Variants in KAZN observed in about 807,000 individuals in gnomAD.
The protein encoded by KAZN is kazrin, periplakin interacting protein, also known as kazrin.
KAZN carries 40 observed loss-of-function variants against 87.4 expected under a neutral mutation model. The ratio of observed to expected loss-of-function variants is 0.46; its 90% CI spans 0.36 to 0.60. The LOEUF (loss-of-function observed/expected upper bound fraction) is 0.60. Ranked by LOEUF, KAZN falls within the 20% of genes least tolerant of loss-of-function variation. The pLI is 0.00. For synonymous variants in KAZN, 466 were observed against 458.3 expected, an observed-to-expected ratio of 1.02 and a Z score of -0.22; for missense variants, 898 against 1,073.9, an observed-to-expected ratio of 0.84 and a Z score of 2.29.
intron 2 of KAZN, among the ~76,000 whole-genome samples, chr1:15,001,616 C>T (rs75306328): frequency 0.087 from 13,234 of 152,216 alleles, 761 homozygotes; most frequent in East Asian, 0.19. Flanking sequence ...GGGCACTGCC[C>T]CATGAATGAA....
chr1:14,858,203 C>CTTTTGCTTTTTTTTTTTTTTTTTTTTT (rs1572663679), intron 1 of KAZN, among the ~76,000 whole-genome samples: 1 of 95,104 alleles, frequency 1.1e-5, no homozygotes, highest in East Asian at 2.3e-4. Flanking sequence ...TTTCTTTTTT[C>CTTTTGCTTTTTTTTTTTTTTTTTTTTT]TTTTTCTTTT....
At chr1:14,639,441 C>T (rs2148672699) in intron 1 of KAZN, among the ~76,000 whole-genome samples, 1 of 152,206 alleles carries the variant, frequency 6.6e-6, no homozygotes. Flanking sequence ...GTCAAATGTC[C>T]CCTGTGGTGC....
intron 2 of KAZN, among the ~76,000 whole-genome samples, chr1:14,539,276 G>A (rs1023561336): frequency 1.1e-4 from 17 of 152,186 alleles, no homozygotes; most frequent in South Asian, 2.1e-4. Flanking sequence ...TTGACCAGTC[G>A]TTATTGACAA....
chr1:14,114,189 G>A (rs1335230954), intron 1 of KAZN, among the ~76,000 whole-genome samples: 1 of 152,192 alleles, frequency 6.6e-6, no homozygotes, highest in East Asian at 1.9e-4. Context: ...TGGTTCTTCA[G>A]GGCCACAGCA....
At chr1:14,674,788 T>G (rs1572193770) in intron 1 of KAZN, among the ~76,000 whole-genome samples, 1 of 152,160 alleles carries the variant, frequency 6.6e-6, no homozygotes, top group Non-Finnish European at 1.5e-5. Flanking sequence ...TTTTCTTTTC[T>G]TTTCTTTTCT....
At chr1:14,292,293 G>A (rs1185890956) in intron 2 of KAZN, among the ~76,000 whole-genome samples, 1 of 152,200 alleles carries the variant, frequency 6.6e-6, no homozygotes, top group Non-Finnish European at 1.5e-5. Context: ...GCTGTTTTCT[G>A]TTCTGGCAGT....
chr1:14,177,557 T>A (rs1455225917), intron 1 of KAZN, among the ~76,000 whole-genome samples: 3 of 152,200 alleles, frequency 2.0e-5, no homozygotes, highest in East Asian at 1.9e-4. Context: ...GTTGGCAAGT[T>A]TTTTGCTTTC....
intron 1 of KAZN, among the ~76,000 whole-genome samples, chr1:14,066,379 T>G (rs1557446395): frequency 6.6e-6 from 1 of 152,206 alleles, no homozygotes; most frequent in Non-Finnish European, 1.5e-5. Context: ...CCTTTGGTTC[T>G]TTGAGAAATC....
intron 10 of KAZN, among the ~76,000 whole-genome samples, chr1:15,098,495 T>A (rs554806482): frequency 6.0e-4 from 91 of 152,218 alleles, no homozygotes; most frequent in Non-Finnish European, 1.2e-3. Context: ...CCTTTGCAGC[T>A]CTCCACCCCA....
chr1:14,348,162 T>G (rs1658254510), intron 2 of KAZN, among the ~76,000 whole-genome samples: 1 of 151,522 alleles, frequency 6.6e-6, no homozygotes, highest in African/African-American at 2.4e-5. Flanking sequence ...GTGATGCTCC[T>G]GCCTCAGCCT....
intron 1 of KAZN, among the ~76,000 whole-genome samples, chr1:14,627,853 T>G (rs1011657095): frequency 1.3e-5 from 2 of 152,180 alleles, no homozygotes; most frequent in African/African-American, 4.8e-5. Context: ...GAGGCTGTTC[T>G]TGTGTGGGGT....
At chr1:14,448,184 C>T (rs918358264) in intron 2 of KAZN, among the ~76,000 whole-genome samples, 2 of 152,204 alleles carry the variant, frequency 1.3e-5, no homozygotes, top group African/African-American at 4.8e-5. Flanking sequence ...AACACTCCAT[C>T]TTACAGAGGA....
intron 2 of KAZN, among the ~76,000 whole-genome samples, chr1:14,434,656 A>G (rs1442493871): frequency 2.6e-5 from 4 of 152,114 alleles, no homozygotes; most frequent in Non-Finnish European, 5.9e-5. Flanking sequence ...TAGAATGGAG[A>G]AGAGTTTTTA....
At chr1:14,461,171 A>T (rs902773695) in intron 2 of KAZN, among the ~76,000 whole-genome samples, 4 of 152,140 alleles carry the variant, frequency 2.6e-5, no homozygotes, top group Non-Finnish European at 5.9e-5. Context: ...TGAGTTCAGC[A>T]TTACCCTTTC....
intron 2 of KAZN, among the ~76,000 whole-genome samples, chr1:14,227,732 AC>A (rs1647418180): frequency 6.6e-6 from 1 of 152,176 alleles, no homozygotes; most frequent in Non-Finnish European, 1.5e-5. Context: ...GTTTGAAACC[AC>A]CACAGTGACT....
At chr1:14,580,514 AT>A (rs1675479829) in intron 2 of KAZN, among the ~76,000 whole-genome samples, 1 of 149,080 alleles carries the variant, frequency 6.7e-6, no homozygotes, top group Non-Finnish European at 1.5e-5. Flanking sequence ...AAATAAATAA[AT>A]AAAGTATATT....
At chr1:14,261,277 G>A (rs1650992650) in intron 2 of KAZN, among the ~76,000 whole-genome samples, 1 of 152,202 alleles carries the variant, frequency 6.6e-6, no homozygotes, top group South Asian at 2.1e-4. Flanking sequence ...GGTATTTCAT[G>A]AAGATGCATT....
At chr1:14,200,765 C>T (rs887730293) in intron 2 of KAZN, among the ~76,000 whole-genome samples, 10 of 151,848 alleles carry the variant, frequency 6.6e-5, no homozygotes, top group Admixed American at 5.9e-4. Flanking sequence ...TAATGCACAG[C>T]CTATTGAGAT....
intron 1 of KAZN, among the ~76,000 whole-genome samples, chr1:14,681,836 C>T (rs1468848283): frequency 2.0e-5 from 3 of 149,210 alleles, no homozygotes; most frequent in Admixed American, 6.7e-5. Flanking sequence ...GGACTACAGG[C>T]GCCCGCCACC....
Sources: allele counts gnomAD v4.1 joint callset (sites outside exome capture counted in the v4.1 genomes callset), GRCh38; gene constraint gnomAD v4.1.1; transcripts MANE v1.5; gene names NCBI Gene and HGNC (gene_info 2026-07-23, HGNC 2026-07-21).